Variants in GALNT17 observed in about 807,000 individuals in gnomAD.
GALNT17 encodes polypeptide N-acetylgalactosaminyltransferase 17.
A neutral mutation model predicts 63.7 loss-of-function variants in GALNT17; 29 were observed. The observed-to-expected ratio is 0.46, with a 90% CI of 0.34 to 0.62. The LOEUF (loss-of-function observed/expected upper bound fraction) is 0.62, where lower values mean the gene tolerates loss of function less well. GALNT17 is among the 20% of genes least tolerant of loss of function. The pLI, the probability that GALNT17 is intolerant of heterozygous loss-of-function variation, is 0.01. For missense variants in GALNT17, 603 were observed against 799.6 expected, an observed-to-expected ratio of 0.75 and a Z score of 2.97; for synonymous variants, 305 against 318.3, an observed-to-expected ratio of 0.96 and a Z score of 0.45.
At chr7:71,616,078 A>G (rs1790197657) in intron 6 of GALNT17, among the ~76,000 whole-genome samples, 3 of 151,734 alleles carry the variant, frequency 2.0e-5, no homozygotes, top group Non-Finnish European at 2.9e-5. Context: ...CAATGTGCCT[A>G]TAGACGAGCT....
At chr7:71,487,157 T>TGATC (rs1263605396) in intron 5 of GALNT17, among the ~76,000 whole-genome samples, 1 of 152,204 alleles carries the variant, frequency 6.6e-6, no homozygotes, top group Non-Finnish European at 1.5e-5. Context: ...GTGTCTCCTC[T>TGATC]GATCAGTCTG....
chr7:71,506,991 T>A (rs1282733259), intron 5 of GALNT17, among the ~76,000 whole-genome samples: 1 of 152,242 alleles, frequency 6.6e-6, no homozygotes, highest in African/African-American at 2.4e-5. Flanking sequence ...TCCCAGCGTT[T>A]TGGGAGGCTG....
chr7:71,279,283 T>C (rs1583823824), intron 1 of GALNT17, among the ~76,000 whole-genome samples: 2 of 151,750 alleles, frequency 1.3e-5, no homozygotes, highest in Non-Finnish European at 2.9e-5. Flanking sequence ...CAGGAAGAAG[T>C]GTTGAGCAAA....
At chr7:71,366,675 C>T (rs1457010071) in intron 2 of GALNT17, among the ~76,000 whole-genome samples, 1 of 152,162 alleles carries the variant, frequency 6.6e-6, no homozygotes, top group Non-Finnish European at 1.5e-5. Flanking sequence ...TCTTGTGTGT[C>T]CTTCTGCTGT....
intron 6 of GALNT17, among the ~76,000 whole-genome samples, chr7:71,579,933 TGATG>T (rs770472835): frequency 9.4e-4 from 143 of 151,832 alleles, no homozygotes; most frequent in Middle Eastern, 3.4e-3. Flanking sequence ...GATGCATGGA[TGATG>T]GATGGATGGA....
At chr7:71,295,657 A>G (rs1389581866) in intron 1 of GALNT17, among the ~76,000 whole-genome samples, 1 of 150,910 alleles carries the variant, frequency 6.6e-6, no homozygotes, top group East Asian at 2.0e-4. Flanking sequence ...AGAGTTCCAT[A>G]GAATGGTCAT....
intron 5 of GALNT17, among the ~76,000 whole-genome samples, chr7:71,442,345 C>T (rs748590048): frequency 6.6e-6 from 1 of 152,056 alleles, no homozygotes; most frequent in Non-Finnish European, 1.5e-5. Flanking sequence ...TACGGGCGCC[C>T]GCCACCATGC....
At chr7:71,693,309 C>CACACATATATATAT (rs1554325721) in intron 9 of GALNT17, among the ~76,000 whole-genome samples, 2 of 124,166 alleles carry the variant, frequency 1.6e-5, no homozygotes, top group African/African-American at 2.9e-5. Flanking sequence ...CACACACACA[C>CACACATATATATAT]ATATATATAT....
chr7:71,277,043 A>G (rs553045806), intron 1 of GALNT17, among the ~76,000 whole-genome samples: 1 of 152,314 alleles, frequency 6.6e-6, no homozygotes, highest in African/African-American at 2.4e-5. Flanking sequence ...AGTCTTAGGT[A>G]TTTCTTCATA....
At chr7:71,368,791 C>T (rs921793689) in intron 2 of GALNT17, among the ~76,000 whole-genome samples, 2 of 151,708 alleles carry the variant, frequency 1.3e-5, no homozygotes, top group Admixed American at 1.3e-4. Context: ...ACTTGTTCTT[C>T]GGTGTGTTAA....
At chr7:71,263,290 C>T (rs1178366556) in intron 1 of GALNT17, among the ~76,000 whole-genome samples, 67 of 152,022 alleles carry the variant, frequency 4.4e-4, no homozygotes, top group Admixed American at 4.0e-3. Flanking sequence ...ACCCGGGAGG[C>T]GGAGGTTGCA....
intron 2 of GALNT17, among the ~76,000 whole-genome samples, chr7:71,371,127 G>A (rs1792616228): frequency 6.6e-6 from 1 of 152,130 alleles, no homozygotes; most frequent in Admixed American, 6.5e-5. Flanking sequence ...CAATTGTAGG[G>A]TAACACAGTG....
chr7:71,630,847 T>G (rs1425787501), intron 6 of GALNT17, among the ~76,000 whole-genome samples: 2 of 152,208 alleles, frequency 1.3e-5, no homozygotes, highest in Non-Finnish European at 2.9e-5. Flanking sequence ...ATTTCAGATT[T>G]AAAGAAAATA....
chr7:71,616,655 T>C (rs1206979109), intron 6 of GALNT17, among the ~76,000 whole-genome samples: 1 of 142,456 alleles, frequency 7.0e-6, no homozygotes, highest in Non-Finnish European at 1.5e-5. Flanking sequence ...TAATGTATAA[T>C]TATAATCATA....
At chr7:71,168,618 T>G (rs1358997922) in intron 1 of GALNT17, among the ~76,000 whole-genome samples, 1 of 151,568 alleles carries the variant, frequency 6.6e-6, no homozygotes, top group East Asian at 1.9e-4. Context: ...TAACATGACG[T>G]TTTTATATAC....
chr7:71,366,479 G>A (rs1792511126), intron 2 of GALNT17, among the ~76,000 whole-genome samples: 2 of 152,250 alleles, frequency 1.3e-5, no homozygotes, highest in East Asian at 1.9e-4. Flanking sequence ...TACTCGGGAG[G>A]CTGAAACAGG....
intron 8 of GALNT17, among the ~76,000 whole-genome samples, chr7:71,670,550 A>C (rs1791053344): frequency 1.3e-5 from 2 of 152,160 alleles, no homozygotes; most frequent in African/African-American, 4.8e-5. Flanking sequence ...TCACCTTTCT[A>C]AACCTGAAAG....
Position 71,677,313 on chromosome 7 carries a change from G to A in GALNT17, c.1500+7G>A. 2 of 1,612,968 alleles carry A rather than the reference G, an allele frequency of 1.2e-6. No homozygotes were observed. On this transcript the variant is annotated splice_region_variant and intron_variant, in intron 9 of 10. Transcript: ENST00000333538. ...CCATGGCTGGGGACCACAGGTAGGA[G>A]CTCGTCTCTGACCAGGAAGGAAGTA...
At chr7:71,692,926 A>G (rs1254189824) in intron 9 of GALNT17, among the ~76,000 whole-genome samples, 1 of 151,280 alleles carries the variant, frequency 6.6e-6, no homozygotes, top group Non-Finnish European at 1.5e-5. Flanking sequence ...TTTAGTAGAG[A>G]TGGGGTTTCA....
Sources: gnomAD v4.1 joint callset for allele counts (sites outside exome capture counted in the v4.1 genomes callset) on GRCh38, gnomAD v4.1.1 for gene constraint, MANE v1.5 for transcripts, NCBI Gene and HGNC (gene_info 2026-07-23, HGNC 2026-07-21) for gene names.